The following ABCC1 variants were observed in gnomAD, a reference collection of about 807,000 sequenced individuals.
ABCC1 encodes multidrug resistance-associated protein 1.
A neutral mutation model predicts 172.9 loss-of-function variants in ABCC1; 83 were observed. That is an observed-to-expected ratio of 0.48 (90% CI 0.40 to 0.58). The LOEUF (loss-of-function observed/expected upper bound fraction) is 0.58, where lower values mean the gene tolerates loss of function less well. Ranked by LOEUF, ABCC1 falls within the 20% of genes least tolerant of loss-of-function variation. The pLI, the probability that ABCC1 is intolerant of heterozygous loss-of-function variation, is 0.00. For synonymous variants in ABCC1, 937 were observed against 825.2 expected, an observed-to-expected ratio of 1.14 and a Z score of -2.32; for missense variants, 1,817 against 2,002.7, an observed-to-expected ratio of 0.91 and a Z score of 1.77.
At chr16:16,061,444 C>T (rs1014282330) in intron 12 of ABCC1, among the ~76,000 whole-genome samples, 1 of 152,188 alleles carries the variant, frequency 6.6e-6, no homozygotes, top group Non-Finnish European at 1.5e-5. Flanking sequence ...GATGCTAAGT[C>T]GTACCTCTCC....
intron 19 of ABCC1, among the ~76,000 whole-genome samples, chr16:16,101,289 C>A (rs893501932): frequency 6.6e-6 from 1 of 152,180 alleles, no homozygotes; most frequent in African/African-American, 2.4e-5. Context: ...CCGCCTCGGC[C>A]TTGAAAGTGC....
intron 14 of ABCC1, among the ~76,000 whole-genome samples, chr16:16,073,303 G>A (rs1776733697): frequency 6.6e-6 from 1 of 152,178 alleles, no homozygotes. Flanking sequence ...CATCGGTAGA[G>A]TCCATGCTCT....
intron 28 of ABCC1, among the ~76,000 whole-genome samples, chr16:16,135,708 G>T (rs1305385037): frequency 6.6e-6 from 1 of 152,004 alleles, no homozygotes; most frequent in East Asian, 1.9e-4. Flanking sequence ...TGCCTGCCTC[G>T]GCCTCCCATA....
At chr16:16,008,348 T>C (rs2047633140) in intron 2 of ABCC1, among the ~76,000 whole-genome samples, 1 of 151,708 alleles carries the variant, frequency 6.6e-6, no homozygotes, top group Non-Finnish European at 1.5e-5. Context: ...AATATATTTA[T>C]ATAGATTTTT....
rs143048089 is a variant in ABCC1, at chr16:15,966,190, G to A, written c.48+16391G>A. On this transcript the variant is annotated intron_variant, in intron 1 of 30. Transcript: ENST00000399410. The stretch of plus-strand genomic sequence containing the variant: ...AGCACTTTGGGAGGCCGAGGTGGGC[G>A]GATCACGAGGTCAGGAGTTGGAGAC... 9.2e-3 allele frequency among the ~76,000 whole-genome samples: 1,404 copies of A among 151,952 alleles called. 19 individuals carry two copies. Among genetic ancestry groups the A allele is most frequent in the African/African-American group, 0.031 (1,293 of 41,456 alleles).
chr16:16,007,214 T>TTG (rs71388788), intron 1 of ABCC1, among the ~76,000 whole-genome samples: 10,943 of 145,556 alleles, frequency 0.075, 421 homozygotes, highest in Middle Eastern at 0.14. Flanking sequence ...GTATGCACTG[T>TTG]TGTGTGTGTG....
intron 14 of ABCC1, among the ~76,000 whole-genome samples, chr16:16,072,558 G>C (rs1182784283): frequency 2.1e-5 from 3 of 145,216 alleles, no homozygotes; most frequent in East Asian, 4.2e-4. Flanking sequence ...AGTTGGTCTT[G>C]AGCTCCTGGG....
intron 22 of ABCC1, among the ~76,000 whole-genome samples, chr16:16,111,938 T>G (rs1368236563): frequency 6.6e-6 from 1 of 152,162 alleles, no homozygotes; most frequent in Non-Finnish European, 1.5e-5. Context: ...TTTGCGGACT[T>G]TTGCCTGCTG....
chr16:16,122,771 C>T (rs1362854917), intron 24 of ABCC1, among the ~76,000 whole-genome samples: 1 of 150,190 alleles, frequency 6.7e-6, no homozygotes, highest in East Asian at 2.0e-4. Context: ...GTAGTCCTAG[C>T]TTCTCGAGAG....
chr16:16,099,017 C>T, intron 19 of ABCC1: 4 of 921,788 alleles, frequency 4.3e-6, no homozygotes, highest in Non-Finnish European at 6.3e-6. Flanking sequence ...TTTCACCCCT[C>T]CGGTTGTTCA....
At chr16:16,052,905 C>G in intron 11 of ABCC1, 89 bp downstream of exon 11, 4 of 1,293,978 alleles carry the variant, frequency 3.1e-6, no homozygotes, top group Non-Finnish European at 4.4e-6. Flanking sequence ...TCTGCTCTGT[C>G]CCTGGGGTTC....
chr16:16,093,916 C>T (rs1016674398), intron 19 of ABCC1, among the ~76,000 whole-genome samples: 7 of 150,134 alleles, frequency 4.7e-5, no homozygotes, highest in Middle Eastern at 7.2e-3. Context: ...ACCTCTCTCC[C>T]GGGATATTCA....
Position 16,134,392 on chromosome 16 carries a change from A to G in ABCC1, c.4009A>G (p.Thr1337Ala), listed in dbSNP as rs28364006. Residue 1337 changes from threonine (T) to alanine (A), a missense_variant, in exon 28 of 31, where the codon ACC becomes GCC. Coordinates refer to ENST00000399410, the MANE Select transcript of ABCC1 (RefSeq NM_004996.4). ...GACGGGAGCTGGGAAGTCGTCCCTGACCCTGGGCTTATTTCGGATCAACGA... is the reference window on the plus strand; with the variant it reads ...GACGGGAGCTGGGAAGTCGTCCCTGGCCCTGGGCTTATTTCGGATCAACGA... ...GRTGAGKSSL[T>A]LGLFRINESA... 3 of 1,613,976 alleles carry G rather than the reference A, an allele frequency of 1.9e-6. No homozygotes were observed. The highest frequency in any genetic ancestry group is 1.7e-6 in the Non-Finnish European group (2 of 1,179,996).
chr16:16,119,249 T>C (rs896134549), intron 23 of ABCC1, among the ~76,000 whole-genome samples: 9 of 152,148 alleles, frequency 5.9e-5, no homozygotes, highest in Non-Finnish European at 1.5e-5. Context: ...GAGACCAGCC[T>C]GAGCAACATG....
At chr16:15,989,575 T>C (rs548255106) in intron 1 of ABCC1, among the ~76,000 whole-genome samples, 2 of 152,266 alleles carry the variant, frequency 1.3e-5, no homozygotes, top group African/African-American at 4.8e-5. Context: ...CTCTGCAGCG[T>C]TGTTTCTGAG....
At chr16:16,109,706 T>C (rs750980479) in intron 21 of ABCC1, among the ~76,000 whole-genome samples, 9 of 152,116 alleles carry the variant, frequency 5.9e-5, no homozygotes, top group Non-Finnish European at 1.2e-4. Flanking sequence ...AACCTTCACC[T>C]CCTGGAGCGA....
chr16:16,104,411 C>T (rs1439537245), intron 20 of ABCC1, among the ~76,000 whole-genome samples: 2 of 152,146 alleles, frequency 1.3e-5, no homozygotes, highest in Non-Finnish European at 2.9e-5. Flanking sequence ...AAGTTCCCCA[C>T]ATCCCCACTA....
chr16:16,003,950 G>GA (rs200163556), intron 1 of ABCC1, among the ~76,000 whole-genome samples: 1 of 150,414 alleles, frequency 6.6e-6, no homozygotes, highest in Non-Finnish European at 1.5e-5. Context: ...TGGTTGGGGG[G>GA]GGTGGATGGA....
intron 23 of ABCC1, among the ~76,000 whole-genome samples, chr16:16,116,000 T>A (rs1170556647): frequency 6.6e-6 from 1 of 152,034 alleles, no homozygotes; most frequent in Admixed American, 6.6e-5. Context: ...CCTCTCGGGT[T>A]CACACCATTC....
Sources: gnomAD v4.1 joint callset for allele counts (sites outside exome capture counted in the v4.1 genomes callset) on GRCh38, gnomAD v4.1.1 for gene constraint, MANE v1.5 for transcripts, NCBI Gene and HGNC (gene_info 2026-07-23, HGNC 2026-07-21) for gene names.